Variants in THRAP3 observed in about 807,000 individuals in gnomAD.
The protein encoded by THRAP3 is thyroid hormone receptor-associated protein 3.
A neutral mutation model predicts 101.0 loss-of-function variants in THRAP3; 16 were observed. The ratio of observed to expected loss-of-function variants is 0.16; its 90% CI spans 0.11 to 0.24. The LOEUF is 0.24. Among genes scored for constraint, THRAP3 ranks in the 10% least tolerant of loss-of-function variants. THRAP3 has a pLI of 1.00. For missense variants in THRAP3, 989 were observed against 1,202.7 expected (o/e 0.82, Z 2.63); for synonymous variants, 407 against 422.6 (o/e 0.96, Z 0.45).
rs560482319 is a variant in THRAP3 at position 36,233,081 on chromosome 1, A to G, written c.-135+8576A>G. Reference sequence around the variant, plus strand: ...ACAGGGTTTCACCGTGTTGGCCAGGATGGTCTTGAACTCCTGACCTCAGGT... The same window carrying G: ...ACAGGGTTTCACCGTGTTGGCCAGGGTGGTCTTGAACTCCTGACCTCAGGT... On this transcript the variant is annotated intron_variant, in intron 1 of 11. Transcript: ENST00000354618. Among the ~76,000 whole-genome samples the G allele has an allele frequency of 6.6e-5, 10 of 151,326 alleles. No individual in the cohort carries two copies. The South Asian group carries it at 1.5e-3, about 22-fold the overall frequency.
rs1645805762 is a variant in THRAP3, at chr1:36,287,068, A to G, written c.838A>G (p.Thr280Ala). 6.2e-7 allele frequency: 1 copy of G among 1,613,676 alleles called. No individual in the cohort carries two copies. Among genetic ancestry groups the G allele is most frequent in the Non-Finnish European group, 8.5e-7 (1 of 1,179,780 alleles). ...AAAACCTAGTCCTCCACTTTCCAGC[A>G]CATCCCAGATGGGCTCAACTCTGCC... ...VPKPSPPLSSTSQMGSTLPSG... is the reference protein window; with the variant it reads ...VPKPSPPLSSASQMGSTLPSG... The change falls in exon 4 of 12, where the codon ACA (threonine) becomes GCA (alanine). Residue 280 changes from threonine to alanine, a missense_variant. Physicochemically the swap from Thr to Ala is moderately conservative, Grantham distance 58 (BLOSUM62 0). Coordinates refer to ENST00000354618, the MANE Select transcript of THRAP3 (RefSeq NM_005119.4).
chr1:36,262,806 T>A lies in THRAP3; in HGVS notation c.-32+3322T>A, dbSNP rs192340940. Among the ~76,000 whole-genome samples, 1,416 of 151,136 alleles carry A rather than the reference T, an allele frequency of 9.4e-3. 19 individuals are homozygous for A. The highest frequency in any genetic ancestry group is 0.032 in the African/African-American group (1,345 of 41,388). On this transcript the variant is annotated intron_variant, in intron 2 of 11. Coordinates refer to ENST00000354618, the MANE Select transcript of THRAP3 (RefSeq NM_005119.4). ...ATTTTATTTATTTATTATTATTATT[T>A]TTTTTGAGATGAAGTCTTGCTCTGT...
intron 1 of THRAP3, among the ~76,000 whole-genome samples, chr1:36,234,379 A>G (rs1645062106): frequency 6.6e-6 from 1 of 152,244 alleles, no homozygotes; most frequent in Non-Finnish European, 1.5e-5. Context: ...CCCTGCTCAC[A>G]GACAGATGGT....
chr1:36,262,655 A>G (rs1261796393), intron 2 of THRAP3, among the ~76,000 whole-genome samples: 1 of 152,162 alleles, frequency 6.6e-6, no homozygotes, highest in Non-Finnish European at 1.5e-5. Context: ...TCTGAATCCC[A>G]TTCTCAGTTT....
rs774069228 is a variant in THRAP3, at chr1:36,289,442, G to A, written c.1423G>A (p.Val475Ile). ...GAAGTCAGGCAAATGGGAGGGCCTG[G>A]TATATGCACCTCCAGGGAAGGAAAA... Reference protein sequence around the residue: ...EEKSGKWEGLVYAPPGKEKQR... With the variant: ...EEKSGKWEGLIYAPPGKEKQR... The change falls in exon 5 of 12, where the codon GTA (valine) becomes ATA (isoleucine). Residue 475 changes from valine to isoleucine, a missense_variant. Transcript: ENST00000354618. 6 of 1,614,198 alleles carry A rather than the reference G, an allele frequency of 3.7e-6. No homozygotes were observed. Among genetic ancestry groups the A allele is most frequent in the Non-Finnish European group, 4.2e-6 (5 of 1,180,034 alleles).
chr1:36,253,141 A>G (rs115574425), intron 1 of THRAP3, among the ~76,000 whole-genome samples: 3,114 of 94,782 alleles, frequency 0.033, 99 homozygotes, highest in African/African-American at 0.094. Flanking sequence ...TATGTGTGTC[A>G]TCTTTGAAAA....
the THRAP3 span, among the ~76,000 whole-genome samples, chr1:36,214,992 C>T: frequency 1.4e-4 from 22 of 151,828 alleles, no homozygotes; most frequent in South Asian, 1.7e-3. Flanking sequence ...GAGGCCGAGG[C>T]GGGCGGATTA....
At chr1:36,261,378 A>G (rs944702537) in intron 2 of THRAP3, among the ~76,000 whole-genome samples, 1 of 152,042 alleles carries the variant, frequency 6.6e-6, no homozygotes, top group African/African-American at 2.4e-5. Flanking sequence ...TAAAAATACA[A>G]AAAAACTAGC....
chr1:36,278,475 T>C (rs1645689965), intron 2 of THRAP3, among the ~76,000 whole-genome samples: 1 of 152,174 alleles, frequency 6.6e-6, no homozygotes, highest in African/African-American at 2.4e-5. Context: ...TGCTTGGTAA[T>C]TAGACAAGTA....
At chr1:36,264,602 T>C (rs1388688868) in intron 2 of THRAP3, among the ~76,000 whole-genome samples, 1 of 152,242 alleles carries the variant, frequency 6.6e-6, no homozygotes. Flanking sequence ...AACACTGTAT[T>C]ATGGACATAT....
Position 36,296,613 on chromosome 1 carries a change from G to C in THRAP3, c.2146G>C (p.Asp716His). The change falls in exon 9 of 12, where the codon GAT (aspartate) becomes CAT (histidine). Residue 716 changes from aspartate (D) to histidine (H), a missense_variant. Physicochemically the swap from Asp to His is moderately conservative, Grantham distance 81 (BLOSUM62 -1). Transcript: ENST00000354618. ...GGGAAAATACAAAGATGATCCTGTTGATCTCCGCCTTGATATTGAACGTCG... is the reference window on the plus strand; with the variant it reads ...GGGAAAATACAAAGATGATCCTGTTCATCTCCGCCTTGATATTGAACGTCG... ...AEGKYKDDPVDLRLDIERRKK... is the reference protein window; with the variant it reads ...AEGKYKDDPVHLRLDIERRKK... 1 of 1,580,482 alleles carries C rather than the reference G, an allele frequency of 6.3e-7. No individual in the cohort carries two copies. The highest frequency in any genetic ancestry group is 8.5e-7 in the Non-Finnish European group (1 of 1,169,930).
At chr1:36,271,369 G>A (rs1455511581) in intron 2 of THRAP3, among the ~76,000 whole-genome samples, 10 of 150,452 alleles carry the variant, frequency 6.6e-5, no homozygotes, top group African/African-American at 2.0e-4. Flanking sequence ...TGCAACCTCC[G>A]CCTCCCGGGT....
chr1:36,288,071 C>T, intron 4 of THRAP3: 4 of 983,268 alleles, frequency 4.1e-6, no homozygotes, highest in Non-Finnish European at 4.8e-6. Context: ...ACGACTTTGA[C>T]TTGATTAAGC....
intron 4 of THRAP3, chr1:36,287,884 A>G (rs1026643688): frequency 6.1e-6 from 6 of 985,458 alleles, no homozygotes; most frequent in Non-Finnish European, 7.2e-6. Context: ...GAGTTGGAAC[A>G]TGAATCTTTG....
At position 36,304,008 on chromosome 1, in the gene THRAP3, A is replaced by G. The variant is rs1247581613; in HGVS notation, c.2859A>G (p.Thr953=). 1 of 1,549,894 alleles carries G rather than the reference A, an allele frequency of 6.5e-7. No homozygotes were observed. Among genetic ancestry groups the G allele is most frequent in the Non-Finnish European group, 8.7e-7 (1 of 1,148,198 alleles). ...AAGAGAAGGACAATATACAGCCCAC[A>G]ACCGAGTAGGGGCCACCCTTGACGG... The part of the protein sequence containing the change: ...NREEKDNIQP[T]TE The change falls in exon 12 of 12, where the codon ACA becomes ACG. Residue 953 remains threonine, a synonymous_variant. Transcript: ENST00000354618.
At chr1:36,242,403 T>A (rs1446726131) in intron 1 of THRAP3, among the ~76,000 whole-genome samples, 1 of 152,040 alleles carries the variant, frequency 6.6e-6, no homozygotes, top group African/African-American at 2.4e-5. Flanking sequence ...GCTTCCCAGC[T>A]TAGTCTCTCA....
chr1:36,243,151 CT>C (rs58340320), intron 1 of THRAP3, among the ~76,000 whole-genome samples: 213 of 60,874 alleles, frequency 3.5e-3, no homozygotes, highest in Non-Finnish European at 5.0e-3. Context: ...GAGGAACTTT[CT>C]TTTTTTTTTT....
chr1:36,269,507 T>A (rs1570298102), intron 2 of THRAP3, among the ~76,000 whole-genome samples: 1 of 152,168 alleles, frequency 6.6e-6, no homozygotes, highest in South Asian at 2.1e-4. Flanking sequence ...AGGTTGTACT[T>A]TGGAGTTTAC....
chr1:36,288,277 C>T, intron 4 of THRAP3: 1 of 720,294 alleles, frequency 1.4e-6, no homozygotes, highest in Non-Finnish European at 1.7e-6. Context: ...GTACACTGTA[C>T]CCAGTGTGTA....
Sources: gnomAD v4.1 joint callset for allele counts (sites outside exome capture counted in the v4.1 genomes callset) on GRCh38, gnomAD v4.1.1 for gene constraint, MANE v1.5 for transcripts, NCBI Gene and HGNC (gene_info 2026-07-23, HGNC 2026-07-21) for gene names.